Variants in UGT1A10 observed in about 807,000 individuals in gnomAD.
UGT1A10 encodes UDP glucuronosyltransferase family 1 member A10.
In UGT1A10, 49 loss-of-function variants were observed where a neutral mutation model predicts 45.8. That is an observed-to-expected ratio of 1.07 (90% confidence interval 0.85 to 1.36). The LOEUF is 1.36. Ranked by LOEUF, UGT1A10 falls within the 40% of genes most tolerant of loss-of-function variation. The probability of loss-of-function intolerance (pLI) is 0.00; values close to 1 mark genes in which losing one functional copy is unlikely to be tolerated. For synonymous variants in UGT1A10, 284 were observed against 249.7 expected (o/e 1.14, Z -1.29); for missense variants, 745 against 668.6 (o/e 1.11, Z -1.26).
chr2:233,681,473 G>A (rs923534555), intron 1 of UGT1A10, among the ~76,000 whole-genome samples: 2 of 144,586 alleles, frequency 1.4e-5, no homozygotes, highest in Non-Finnish European at 3.0e-5. Context: ...GGAGGTTGCA[G>A]TGAGCCTAGA....
At position 233,636,709 on chromosome 2, in the gene UGT1A10, A is replaced by G. The variant is rs148236957; in HGVS notation, c.187A>G (p.Ser63Gly). Residue 63 changes from serine (S) to glycine (G), a missense_variant, in exon 1 of 5, where the codon AGT becomes GGT. Physicochemically the swap from Ser to Gly is moderately conservative, Grantham distance 56. Coordinates refer to ENST00000344644, the MANE Select transcript of UGT1A10 (RefSeq NM_019075.4). ...HEVVVVMPEV[S>G]WQLERSLNCT... ...GGTGGTTGTAGTCATGCCAGAGGTGAGTTGGCAACTGGAAAGATCACTGAA... is the reference window on the plus strand; with the variant it reads ...GGTGGTTGTAGTCATGCCAGAGGTGGGTTGGCAACTGGAAAGATCACTGAA... 1.2e-6 allele frequency: 2 copies of G among 1,613,984 alleles called. No homozygotes were observed. Among genetic ancestry groups the G allele is most frequent in the African/African-American group, 2.7e-5 (2 of 74,906 alleles).
intron 1 of UGT1A10, among the ~76,000 whole-genome samples, chr2:233,724,309 C>T (rs1481957391): frequency 1.9e-4 from 27 of 145,654 alleles, no homozygotes; most frequent in East Asian, 8.6e-4. Flanking sequence ...ACCTCCCTCC[C>T]GGACGGGGCG....
At chr2:233,752,938 T>A (rs1691143472) in intron 1 of UGT1A10, among the ~76,000 whole-genome samples, 2 of 152,262 alleles carry the variant, frequency 1.3e-5, no homozygotes, top group South Asian at 4.1e-4. Flanking sequence ...CACTCTTTGC[T>A]GACCACTGAA....
At chr2:233,752,004 G>A (rs558992613) in intron 1 of UGT1A10, among the ~76,000 whole-genome samples, 1 of 152,302 alleles carries the variant, frequency 6.6e-6, no homozygotes, top group Admixed American at 6.5e-5. Context: ...GAAAGTTGAT[G>A]AGAAAGTGGA....
At chr2:233,690,976 A>C in intron 1 of UGT1A10, 1 of 1,000,136 alleles carries the variant, frequency 1.0e-6, no homozygotes, top group African/African-American at 1.7e-5. Context: ...TAAGAACAGG[A>C]CCCACATATG....
rs974078775 is a variant in UGT1A10, at chr2:233,743,284, C to A, written c.856-23750C>A. 1.2e-4 allele frequency: 61 copies of A among 507,042 alleles called. 3 individuals are homozygous for A. The highest frequency in any genetic ancestry group is 1.0e-3 in the African/African-American group (49 of 48,728). 31.4% of individuals were successfully genotyped at this position (507,042 alleles called of 1,614,324 possible). A position where few individuals can be genotyped will look rare whatever the true frequency, so the allele number is the denominator to read the frequency against. On this transcript the variant is annotated intron_variant, in intron 1 of 4. Transcript: ENST00000344644. ...TTCCTCCACTTCCACCCTTTCTTGG[C>A]CATTCTCAATGATTCTCTTGGTGGT...
chr2:233,703,582 A>C (rs1020414492), intron 1 of UGT1A10, among the ~76,000 whole-genome samples: 3 of 152,068 alleles, frequency 2.0e-5, no homozygotes, highest in Admixed American at 6.5e-5. Flanking sequence ...GGTCTATATT[A>C]TCTTGCTTCA....
chr2:233,674,141 G>A (rs28969703), intron 1 of UGT1A10, among the ~76,000 whole-genome samples: 4,071 of 152,238 alleles, frequency 0.027, 169 homozygotes, highest in African/African-American at 0.093. Flanking sequence ...TCCTTACAAG[G>A]TTCAGTAGAC....
chr2:233,731,057 C>A (rs1221719711), intron 1 of UGT1A10, among the ~76,000 whole-genome samples: 3 of 152,120 alleles, frequency 2.0e-5, no homozygotes, highest in Non-Finnish European at 4.4e-5. Context: ...TGTGTATGAA[C>A]TTCCATGATT....
At chr2:233,665,338 A>C (rs2074051883) in intron 1 of UGT1A10, among the ~76,000 whole-genome samples, 1 of 152,220 alleles carries the variant, frequency 6.6e-6, no homozygotes, top group Non-Finnish European at 1.5e-5. Flanking sequence ...ACACTCTTTA[A>C]TACTTTCTTT....
chr2:233,694,793 A>C (rs6761246), intron 1 of UGT1A10, among the ~76,000 whole-genome samples: 98,206 of 152,078 alleles, frequency 0.65, 32,213 homozygotes, highest in African/African-American at 0.73. Flanking sequence ...GATAACTGAA[A>C]TGGTTCCAGG....
intron 1 of UGT1A10, among the ~76,000 whole-genome samples, chr2:233,731,746 C>T (rs1439402729): frequency 6.6e-6 from 1 of 152,104 alleles, no homozygotes; most frequent in Non-Finnish European, 1.5e-5. Flanking sequence ...AATAAACATA[C>T]GTGTGCATGT....
chr2:233,752,486 G>A (rs1051165548), intron 1 of UGT1A10: 1 of 152,154 alleles, frequency 6.6e-6, no homozygotes, highest in African/African-American at 2.4e-5. Context: ...TTATGTTTTT[G>A]AGATGAGACA....
intron 1 of UGT1A10, chr2:233,713,534 C>T (rs1306966284): frequency 6.2e-7 from 1 of 1,613,828 alleles, no homozygotes; most frequent in African/African-American, 1.3e-5. Flanking sequence ...GTGATTTAGA[C>T]TTTAAGGGCA....
chr2:233,701,519 A>T (rs1017874937), intron 1 of UGT1A10, among the ~76,000 whole-genome samples: 23 of 152,206 alleles, frequency 1.5e-4, no homozygotes, highest in Non-Finnish European at 2.5e-4. Context: ...AGAACTCTCC[A>T]CCCCAAATCA....
intron 1 of UGT1A10, among the ~76,000 whole-genome samples, chr2:233,678,063 A>G (rs1000988482): frequency 6.6e-5 from 10 of 152,222 alleles, no homozygotes; most frequent in African/African-American, 2.4e-4. Context: ...GAATATATAC[A>G]GGCACAGAAC....
At chr2:233,748,012 G>C (rs911822936) in intron 1 of UGT1A10, 2 of 1,613,354 alleles carry the variant, frequency 1.2e-6, no homozygotes, top group Non-Finnish European at 1.7e-6. Context: ...GATTACCCCA[G>C]GCCGATCATG....
At chr2:233,687,151 T>G (rs989415862) in intron 1 of UGT1A10, among the ~76,000 whole-genome samples, 1 of 152,198 alleles carries the variant, frequency 6.6e-6, no homozygotes, top group African/African-American at 2.4e-5. Flanking sequence ...TGATAATACA[T>G]GCAGATGACT....
intron 1 of UGT1A10, chr2:233,755,289 T>C (rs1695843329): frequency 6.1e-6 from 4 of 651,342 alleles, no homozygotes; most frequent in Non-Finnish European, 9.5e-6. Context: ...CCAAAGAGCC[T>C]GCGGGGCACT....
Sources: allele counts gnomAD v4.1 joint callset (sites outside exome capture counted in the v4.1 genomes callset), GRCh38; gene constraint gnomAD v4.1.1; transcripts MANE v1.5; gene names NCBI Gene and HGNC (gene_info 2026-07-23, HGNC 2026-07-21).